The following TMEM233 variants were observed in gnomAD, a reference collection of about 807,000 sequenced individuals.
TMEM233 encodes transmembrane protein 233.
A neutral mutation model predicts 11.2 loss-of-function variants in TMEM233; 6 were observed. The ratio of observed to expected loss-of-function variants is 0.54; its 90% CI spans 0.29 to 1.06. The LOEUF is 1.06. Among genes scored for constraint, TMEM233 ranks in the 50% least tolerant of loss-of-function variants. TMEM233 has a pLI of 0.08. For missense variants in TMEM233, 127 were observed against 144.7 expected (o/e 0.88, Z 0.63); for synonymous variants, 59 against 55.8 (o/e 1.06, Z -0.26).
the TMEM233 span, among the ~76,000 whole-genome samples, chr12:119,649,814 T>A: frequency 5.9e-5 from 8 of 135,238 alleles, no homozygotes; most frequent in Non-Finnish European, 1.1e-4. Context: ...TCTACAATTC[T>A]AAACTTAGCT....
At chr12:119,634,526 TC>T (rs1954938828) in intron 2 of TMEM233, among the ~76,000 whole-genome samples, 1 of 151,998 alleles carries the variant, frequency 6.6e-6, no homozygotes, top group South Asian at 2.1e-4. Flanking sequence ...AGCAGGAGGA[TC>T]TTTTGAGCCC....
intron 1 of TMEM233, among the ~76,000 whole-genome samples, chr12:119,628,333 G>C (rs1028656907): frequency 6.0e-5 from 9 of 150,716 alleles, no homozygotes; most frequent in African/African-American, 2.2e-4. Context: ...CTAATTTTTT[G>C]TATTTTCAGT....
chr12:119,652,764 G>GACC, the TMEM233 span, among the ~76,000 whole-genome samples: 1 of 152,332 alleles, frequency 6.6e-6, no homozygotes, highest in Non-Finnish European at 1.5e-5. Context: ...CAAAAAGCTG[G>GACC]AGGAGAATGC....
downstream of TMEM233, among the ~76,000 whole-genome samples, chr12:119,643,400 T>G (rs910455054): frequency 1.9e-4 from 29 of 152,348 alleles, no homozygotes; most frequent in Non-Finnish European, 4.1e-4. Flanking sequence ...TGGTTTTTGT[T>G]GGGATGATGG....
chr12:119,647,269 C>A (rs1241728477), downstream of TMEM233, among the ~76,000 whole-genome samples: 1 of 152,152 alleles, frequency 6.6e-6, no homozygotes, highest in African/African-American at 2.4e-5. Context: ...CAGTCTTTAA[C>A]CCCCAATCAC....
At chr12:119,653,725 A>T in the TMEM233 span, among the ~76,000 whole-genome samples, 2 of 152,080 alleles carry the variant, frequency 1.3e-5, no homozygotes, top group Non-Finnish European at 2.9e-5. Flanking sequence ...AGGAGCAATG[A>T]TCTTGAAGAC....
chr12:119,647,508 C>T (rs1276215032), downstream of TMEM233, among the ~76,000 whole-genome samples: 1 of 152,130 alleles, frequency 6.6e-6, no homozygotes, highest in East Asian at 1.9e-4. Context: ...TTGATGGTCC[C>T]CTAGATATGG....
Position 119,622,670 on chromosome 12 carries a change from A to AC in TMEM233, c.187-7059dup, listed in dbSNP as rs897600594. 4.0e-4 allele frequency among the ~76,000 whole-genome samples: 60 copies of AC among 151,076 alleles called. 1 individual carries two copies. The highest frequency in any genetic ancestry group is 6.6e-4 in the Admixed American group (10 of 15,092). On this transcript the variant is annotated intron_variant, in intron 1 of 2. Transcript: ENST00000426426. Reference sequence around the variant, plus strand: ...TTAGTTCTCTACCCTTAAGCCCGAGACCCCCCCAGCCATGGAAATCCTTCA... The same window carrying AC: ...TTAGTTCTCTACCCTTAAGCCCGAGACCCCCCCCAGCCATGGAAATCCTTCA...
downstream of TMEM233, among the ~76,000 whole-genome samples, chr12:119,644,325 A>G (rs1307748545): frequency 1.3e-5 from 2 of 152,184 alleles, no homozygotes; most frequent in South Asian, 2.1e-4. Flanking sequence ...AAGGAAAACC[A>G]AAGTACTCTT....
chr12:119,619,995 C>A (rs191294163), intron 1 of TMEM233, among the ~76,000 whole-genome samples: 1 of 152,164 alleles, frequency 6.6e-6, no homozygotes, highest in African/African-American at 2.4e-5. Context: ...AGAAGAAATA[C>A]GTAGGATCAA....
At chr12:119,619,107 G>A (rs1276697283) in intron 1 of TMEM233, among the ~76,000 whole-genome samples, 3 of 152,126 alleles carry the variant, frequency 2.0e-5, no homozygotes, top group African/African-American at 7.2e-5. Flanking sequence ...GGTTTTATAA[G>A]GGGCTTCCTC....
At chr12:119,639,314 G>C (rs1168513639) in intron 2 of TMEM233, among the ~76,000 whole-genome samples, 1 of 151,922 alleles carries the variant, frequency 6.6e-6, no homozygotes, top group East Asian at 1.9e-4. Flanking sequence ...ATAGAGCATG[G>C]CCCTTAAGAG....
chr12:119,632,143 C>T (rs1954898100), intron 2 of TMEM233, among the ~76,000 whole-genome samples: 1 of 152,216 alleles, frequency 6.6e-6, no homozygotes, highest in African/African-American at 2.4e-5. Flanking sequence ...CTGACACTAA[C>T]ATAGACCTTG....
chr12:119,597,177 G>T (rs1371263629), intron 1 of TMEM233, among the ~76,000 whole-genome samples: 1 of 152,228 alleles, frequency 6.6e-6, no homozygotes. Context: ...CCAGGCGTTT[G>T]CTTCCCCTAG....
chr12:119,650,542 A>C, the TMEM233 span, among the ~76,000 whole-genome samples: 1 of 152,254 alleles, frequency 6.6e-6, no homozygotes, highest in African/African-American at 2.4e-5. Flanking sequence ...ATTCGTTGCA[A>C]ACTTGACATA....
Position 119,593,895 on chromosome 12 carries a change from G to A in TMEM233, c.47G>A (p.Ser16Asn), listed in dbSNP as rs754725095. Reference sequence around the variant, plus strand: ...CCGGACTTCAAGAGGGCTTTGGACAGCAGTCCCGAGGCCAACACTGAAGAT... The same window carrying A: ...CCGGACTTCAAGAGGGCTTTGGACAACAGTCCCGAGGCCAACACTGAAGAT... Reference protein sequence around the residue: ...PSPDFKRALDSSPEANTEDDK... With the variant: ...PSPDFKRALDNSPEANTEDDK... Residue 16 changes from serine (S) to asparagine (N), a missense_variant, in exon 1 of 3, where the codon AGC (serine) becomes AAC (asparagine). Coordinates refer to ENST00000426426, the MANE Select transcript of TMEM233 (RefSeq NM_001136534.3). This position sits in a 1 kb window ranked among gnomAD's most constrained non-coding sequence, Gnocchi z 4.1. 6.4e-7 allele frequency: 1 copy of A among 1,551,742 alleles called. No homozygotes were observed. The highest frequency in any genetic ancestry group is 8.7e-7 in the Non-Finnish European group (1 of 1,146,990).
chr12:119,595,543 C>T lies in TMEM233; in HGVS notation c.186+1509C>T, dbSNP rs1954026525. Among the ~76,000 whole-genome samples the T allele has an allele frequency of 6.6e-6, 1 of 152,228 alleles. No homozygotes were observed. The highest frequency in any genetic ancestry group is 1.5e-5 in the Non-Finnish European group (1 of 68,038). ...GTCTGTATTCAAATCCCAATTCTCC[C>T]ACTTTCTAGCTGTGTGATCTCTGAA... On this transcript the variant is annotated intron_variant, in intron 1 of 2. Transcript: ENST00000426426. This position sits in a 1 kb window ranked among gnomAD's most constrained non-coding sequence, Gnocchi z 4.3.
At chr12:119,643,814 GCCA>G (rs1955116506), downstream of TMEM233, among the ~76,000 whole-genome samples, 1 of 151,706 alleles carries the variant, frequency 6.6e-6, no homozygotes, top group Non-Finnish European at 1.5e-5. Context: ...TCCTTCATCA[GCCA>G]GTTACAAAAA....
intron 2 of TMEM233, among the ~76,000 whole-genome samples, chr12:119,632,165 G>C (rs1159384951): frequency 6.6e-6 from 1 of 152,136 alleles, no homozygotes; most frequent in Non-Finnish European, 1.5e-5. Flanking sequence ...CATATGCCAG[G>C]TACTGTTCTA....
Sources: gnomAD v4.1 joint callset for allele counts (sites outside exome capture counted in the v4.1 genomes callset) on GRCh38, gnomAD v4.1.1 for gene constraint, Gnocchi (gnomAD v3.1) non-coding constraint, MANE v1.5 for transcripts, NCBI Gene and HGNC (gene_info 2026-07-23, HGNC 2026-07-21) for gene names.